Variants in GPHN observed in about 807,000 individuals in gnomAD.
The protein encoded by GPHN is gephyrin.
In GPHN, 17 loss-of-function variants were observed where a neutral mutation model predicts 95.5. That is an observed-to-expected ratio of 0.18 (90% CI 0.12 to 0.27). The LOEUF is 0.27. Ranked by LOEUF, GPHN falls within the 10% of genes least tolerant of loss-of-function variation. The probability of loss-of-function intolerance (pLI) is 1.00; values close to 1 mark genes in which losing one functional copy is unlikely to be tolerated. For synonymous variants in GPHN, 320 were observed against 322.5 expected, an observed-to-expected ratio of 0.99 and a Z score of 0.08; for missense variants, 660 against 978.1, an observed-to-expected ratio of 0.67 and a Z score of 4.34.
chr14:66,581,853 A>C (rs2061189650), intron 1 of GPHN, among the ~76,000 whole-genome samples: 1 of 152,054 alleles, frequency 6.6e-6, no homozygotes. Context: ...AACAATTGTA[A>C]ATATATCTGC....
At chr14:66,973,148 A>T (rs191849190) in intron 9 of GPHN, among the ~76,000 whole-genome samples, 1,611 of 152,094 alleles carry the variant, frequency 0.011, 24 homozygotes, top group African/African-American at 0.013. Context: ...TTATATATAT[A>T]TTTTTTTTCC....
chr14:66,996,194 C>T (rs1338307620), intron 9 of GPHN: 2 of 1,533,014 alleles, frequency 1.3e-6, no homozygotes, highest in Admixed American at 3.9e-5. Flanking sequence ...TTCCCTCGTG[C>T]TCATCTACCT....
the GPHN span, among the ~76,000 whole-genome samples, chr14:67,276,844 C>G: frequency 6.6e-6 from 1 of 152,124 alleles, no homozygotes; most frequent in Non-Finnish European, 1.5e-5. Context: ...GTCTCTCTTG[C>G]ATGACTTCTA....
At chr14:67,400,217 T>A in the GPHN span, among the ~76,000 whole-genome samples, 2 of 152,182 alleles carry the variant, frequency 1.3e-5, no homozygotes, top group African/African-American at 2.4e-5. Context: ...TAAAGAACAC[T>A]TATAACACAG....
At chr14:67,303,466 A>G in the GPHN span, 2 of 1,354,368 alleles carry the variant, frequency 1.5e-6, no homozygotes, top group Admixed American at 3.4e-5. Flanking sequence ...TCATAAAATC[A>G]TGGAATGATT....
At chr14:66,888,885 GA>G (rs1259494829) in intron 5 of GPHN, among the ~76,000 whole-genome samples, 3 of 152,046 alleles carry the variant, frequency 2.0e-5, no homozygotes, top group Non-Finnish European at 4.4e-5. Context: ...TGAAAGGATA[GA>G]AAAAGATAGT....
chr14:66,561,076 A>G (rs553474376), intron 1 of GPHN, among the ~76,000 whole-genome samples: 1 of 152,302 alleles, frequency 6.6e-6, no homozygotes, highest in South Asian at 2.1e-4. Flanking sequence ...CCAGCCTTGC[A>G]TCCCAGGGAT....
intron 10 of GPHN, among the ~76,000 whole-genome samples, chr14:67,056,288 T>G (rs1346198740): frequency 1.3e-5 from 2 of 151,364 alleles, no homozygotes; most frequent in African/African-American, 4.9e-5. Context: ...TACAATCCTT[T>G]AGCTAGACAC....
At chr14:67,522,923 CG>C in the GPHN span, among the ~76,000 whole-genome samples, 2 of 152,184 alleles carry the variant, frequency 1.3e-5, no homozygotes, top group Admixed American at 1.3e-4. Context: ...CTATCTTGTC[CG>C]GGGAATTAGT....
At chr14:67,285,318 A>G in the GPHN span, among the ~76,000 whole-genome samples, 1 of 152,134 alleles carries the variant, frequency 6.6e-6, no homozygotes, top group African/African-American at 2.4e-5. Flanking sequence ...AATGAGAGTA[A>G]TATATAAAAA....
chr14:67,391,943 A>G, the GPHN span, among the ~76,000 whole-genome samples: 101 of 152,294 alleles, frequency 6.6e-4, 1 homozygote, highest in East Asian at 0.018. Flanking sequence ...CTCACAAGGG[A>G]AGGCAGAGAC....
At chr14:66,831,182 C>G (rs957662291) in intron 4 of GPHN, among the ~76,000 whole-genome samples, 1 of 152,050 alleles carries the variant, frequency 6.6e-6, no homozygotes, top group Non-Finnish European at 1.5e-5. Flanking sequence ...AGAAAACACT[C>G]TCCTACATTT....
chr14:66,714,236 T>G (rs568421346), intron 2 of GPHN, among the ~76,000 whole-genome samples: 1 of 152,318 alleles, frequency 6.6e-6, no homozygotes, highest in African/African-American at 2.4e-5. Context: ...CCTAAGTATT[T>G]TATTTTATTT....
At chr14:67,205,934 G>A in the GPHN span, among the ~76,000 whole-genome samples, 3 of 152,012 alleles carry the variant, frequency 2.0e-5, no homozygotes, top group East Asian at 5.8e-4. Context: ...CTGTAATCCC[G>A]GCACTTTGGG....
intron 3 of GPHN, among the ~76,000 whole-genome samples, chr14:66,804,478 C>T (rs1595957227): frequency 6.6e-6 from 1 of 152,294 alleles, no homozygotes; most frequent in East Asian, 1.9e-4. Flanking sequence ...TTGCATGCTT[C>T]TGTATACCAC....
the GPHN span, chr14:67,198,975 C>T: frequency 1.4e-6 from 1 of 703,564 alleles, no homozygotes; most frequent in South Asian, 1.5e-5. Flanking sequence ...ATTCGAGAAG[C>T]TGCTCAGCTG....
chr14:67,158,527 A>G (rs979993269), intron 18 of GPHN, among the ~76,000 whole-genome samples: 8 of 152,272 alleles, frequency 5.3e-5, no homozygotes, highest in African/African-American at 1.4e-4. Context: ...ACATTTTTAC[A>G]AATAAAAGTA....
chr14:66,992,651 C>A (rs1159835056), intron 9 of GPHN, among the ~76,000 whole-genome samples: 2 of 151,934 alleles, frequency 1.3e-5, no homozygotes, highest in African/African-American at 4.8e-5. Context: ...AAATAGATAC[C>A]TATTGTCTTT....
At position 66,983,333 on chromosome 14, in the gene GPHN, A is replaced by G. The variant is rs147075814; in HGVS notation, c.963+18008A>G. Reference sequence around the variant, plus strand: ...TACTACCCCACTATAACTGATGATTAATGGAGGACTAAAATAAATAAGGAC... The same window carrying G: ...TACTACCCCACTATAACTGATGATTGATGGAGGACTAAAATAAATAAGGAC... On this transcript the variant is annotated intron_variant, in intron 9 of 22. Transcript: ENST00000478722. 2.4e-4 allele frequency among the ~76,000 whole-genome samples: 37 copies of G among 152,356 alleles called. No homozygotes were observed. In the East Asian group the frequency reaches 5.4e-3, roughly 22 times the overall value.
Sources: allele counts gnomAD v4.1 joint callset (sites outside exome capture counted in the v4.1 genomes callset), GRCh38; gene constraint gnomAD v4.1.1; transcripts MANE v1.5; gene names NCBI Gene and HGNC (gene_info 2026-07-23, HGNC 2026-07-21).